Variants in SLC29A3 observed in about 807,000 individuals in gnomAD.
The protein encoded by SLC29A3 is equilibrative nucleoside transporter 3.
SLC29A3 carries 18 observed loss-of-function variants against 25.4 expected under a neutral mutation model. The observed-to-expected ratio is 0.71, with a 90% CI of 0.49 to 1.05. The LOEUF (loss-of-function observed/expected upper bound fraction) is 1.05. Among genes scored for constraint, SLC29A3 ranks in the 50% least tolerant of loss-of-function variants. The probability of loss-of-function intolerance (pLI) is 0.00; values close to 1 mark genes in which losing one functional copy is unlikely to be tolerated. For missense variants in SLC29A3, 586 were observed against 609.0 expected (o/e 0.96, Z 0.40); for synonymous variants, 258 against 267.1 (o/e 0.97, Z 0.33).
Position 71,324,767 on chromosome 10 carries a change from C to A in SLC29A3, c.300+1713C>A, listed in dbSNP as rs185901051. Among the ~76,000 whole-genome samples the A allele has an allele frequency of 1.3e-3, 193 of 152,072 alleles. 1 individual carries two copies. Among genetic ancestry groups the A allele is most frequent in the Admixed American group, 0.011 (164 of 15,266 alleles). On this transcript the variant is annotated intron_variant, in intron 2 of 5. Transcript: ENST00000373189. ...AGTATATGGAGGGACAGCTATACATCAGAGGTGGGGAATGAGGAACTTGAT... is the reference window on the plus strand; with the variant it reads ...AGTATATGGAGGGACAGCTATACATAAGAGGTGGGGAATGAGGAACTTGAT...
At chr10:71,323,927 G>A (rs36087675) in intron 2 of SLC29A3, among the ~76,000 whole-genome samples, 11,775 of 152,228 alleles carry the variant, frequency 0.077, 588 homozygotes, top group South Asian at 0.17. Flanking sequence ...ATCATTGCCT[G>A]GGGCCTTGAA....
exon 5 of SLC29A3, chr10:71,381,055 A>C (rs1032581508): frequency 2.6e-5 from 4 of 152,220 alleles, no homozygotes; most frequent in African/African-American, 7.2e-5. Context: ...AATTTGAGGC[A>C]ACACATTTGT....
At chr10:71,356,832 GAACA>G (rs1486847961) in intron 5 of SLC29A3, among the ~76,000 whole-genome samples, 2 of 152,082 alleles carry the variant, frequency 1.3e-5, no homozygotes, top group East Asian at 3.9e-4. Flanking sequence ...CTCTGAAAAT[GAACA>G]AACAAACAAA....
Position 71,338,228 on chromosome 10 carries a change from C to T in SLC29A3, c.301-5981C>T, listed in dbSNP as rs371828084. The stretch of plus-strand genomic sequence containing the variant: ...TGGAAGCCTGCCCCATGCTGCCCAC[C>T]CACAGACACTCTTTAACATGGTCTT... On this transcript the variant is annotated intron_variant, in intron 2 of 5. Coordinates refer to ENST00000373189, the MANE Select transcript of SLC29A3 (RefSeq NM_018344.6). 5.3e-5 allele frequency among the ~76,000 whole-genome samples: 8 copies of T among 152,210 alleles called. 1 individual carries two copies. The East Asian group carries it at 1.2e-3, about 22-fold the overall frequency.
intron 4 of SLC29A3, among the ~76,000 whole-genome samples, chr10:71,354,864 T>C (rs1846856412): frequency 6.6e-6 from 1 of 152,190 alleles, no homozygotes; most frequent in African/African-American, 2.4e-5. Flanking sequence ...GGACAAGTGT[T>C]AGCCCCACTT....
At chr10:71,375,700 G>T (rs1025886028) in exon 4 of SLC29A3, 1 of 152,186 alleles carries the variant, frequency 6.6e-6, no homozygotes, top group Non-Finnish European at 1.5e-5. Context: ...CATAGGCAAG[G>T]AAATGGAGAA....
intron 5 of SLC29A3, among the ~76,000 whole-genome samples, chr10:71,359,652 G>A (rs1010210172): frequency 4.1e-4 from 63 of 152,342 alleles, no homozygotes; most frequent in African/African-American, 1.5e-3. Context: ...CAGGTCCTCA[G>A]GGTGGGAGGA....
rs1276237571 is a variant in SLC29A3 at position 71,350,893 on chromosome 10, A to T, written c.384-669A>T. On this transcript the variant is annotated intron_variant, in intron 3 of 5. Coordinates refer to ENST00000373189, the MANE Select transcript of SLC29A3 (RefSeq NM_018344.6). Reference sequence around the variant, plus strand: ...CAGCTTCCTTATCTGTATACATGGGATAGGTACGAATACCTGTCTTACAGA... The same window carrying T: ...CAGCTTCCTTATCTGTATACATGGGTTAGGTACGAATACCTGTCTTACAGA... 4.6e-5 allele frequency among the ~76,000 whole-genome samples: 7 copies of T among 152,236 alleles called. No individual in the cohort carries two copies. The East Asian group carries it at 1.3e-3, about 29-fold the overall frequency.
chr10:71,357,225 C>A (rs1846937625), intron 5 of SLC29A3, among the ~76,000 whole-genome samples: 1 of 152,118 alleles, frequency 6.6e-6, no homozygotes, highest in Non-Finnish European at 1.5e-5. Context: ...ACCATCCTGG[C>A]TAACACAGTG....
rs1272494804 is a variant in SLC29A3, at chr10:71,360,166, C to T, written c.774-1788C>T. 4.4e-5 allele frequency among the ~76,000 whole-genome samples: 4 copies of T among 91,818 alleles called. No individual in the cohort carries two copies. The South Asian group carries it at 1.2e-3, about 27-fold the overall frequency. The allele number at this position is 91,818 out of a possible 152,430, so 60.2% of individuals were successfully genotyped here. ...TTTTTTTTTTTTTTTTTTTTTGAGA[C>T]GGAATCTTACTCTGTCACCTAGGCT... On this transcript the variant is annotated intron_variant, in intron 5 of 5. Transcript: ENST00000373189.
At chr10:71,348,494 GACT>G in intron 3 of SLC29A3, among the ~76,000 whole-genome samples, 1 of 152,170 alleles carries the variant, frequency 6.6e-6, no homozygotes, top group East Asian at 1.9e-4. Flanking sequence ...CCGGTCTCCT[GACT>G]CAGGCTCCAT....
rs761314130 is a variant in SLC29A3, at chr10:71,362,185, G to A, written c.1005G>A (p.Lys335=). The change falls in exon 6 of 6, where the codon AAG becomes AAA. Residue 335 remains lysine (K), a synonymous_variant. Transcript: ENST00000373189. ...GCACCAACATCGAGTCCCTCAACAA[G>A]GGTTCGGGCTCACTGTGGACCACCA... is the stretch of plus-strand genomic sequence containing the variant. ...AICTNIESLN[K]GSGSLWTTKF... is the part of the protein sequence containing the mutation. The A allele has an allele frequency of 7.4e-6, 12 of 1,613,894 alleles. No individual in the cohort carries two copies. The African/African-American group carries it at 1.6e-4, about 22-fold the overall frequency.
In SLC29A3 at chr10:71,362,168, A is replaced by G. The variant is rs546180014; in HGVS notation, c.988A>G (p.Ile330Val). The change falls in exon 6 of 6, where the codon ATC becomes GTC. Residue 330 changes from isoleucine to valine, a missense_variant. Ile to Val is a conservative substitution (Grantham distance 29). Transcript: ENST00000373189. ...CATCTACCCCGCCATCTGCACCAAC[A>G]TCGAGTCCCTCAACAAGGGTTCGGG... is the stretch of plus-strand genomic sequence containing the variant. ...SLIYPAICTNIESLNKGSGSL... is the reference protein window; with the variant it reads ...SLIYPAICTNVESLNKGSGSL... The G allele has an allele frequency of 3.5e-5, 57 of 1,613,988 alleles. 1 individual carries two copies. The South Asian group carries it at 6.0e-4, about 17-fold the overall frequency.
rs1421151307 is a variant in SLC29A3 at position 71,378,966 on chromosome 10, G to A, written c.*212-800G>A. On this transcript the variant is annotated intron_variant and NMD_transcript_variant, in intron 4 of 4. Coordinates refer to the SLC29A3 transcript ENST00000642772. ...ACCTTAGATGAGAACAACTAGGGGA[G>A]GTGTCATTGCCCAGTGAGGAGGAGG... Among the ~76,000 whole-genome samples the A allele has an allele frequency of 3.3e-5, 5 of 152,348 alleles. No individual in the cohort carries two copies. In the South Asian group the frequency reaches 1.0e-3, roughly 32 times the overall value.
chr10:71,375,075 G>C (rs556944855), intron 3 of SLC29A3, among the ~76,000 whole-genome samples: 1 of 152,332 alleles, frequency 6.6e-6, no homozygotes, highest in Non-Finnish European at 1.5e-5. Context: ...AGAAGTAGCA[G>C]GCTTGTGAGA....
intron 1 of SLC29A3, among the ~76,000 whole-genome samples, chr10:71,320,182 G>A (rs748423553): frequency 1.3e-5 from 2 of 152,256 alleles, no homozygotes; most frequent in African/African-American, 4.8e-5. Flanking sequence ...CCCTAGCCAG[G>A]TGTGGTCCTG....
chr10:71,360,192 G>A lies in SLC29A3; in HGVS notation c.774-1762G>A, dbSNP rs532456216. Among the ~76,000 whole-genome samples, 83 of 138,952 alleles carry A rather than the reference G, an allele frequency of 6.0e-4. 2 individuals are homozygous for A. In the South Asian group the frequency reaches 0.019, roughly 31 times the overall value. 91.2% of individuals were successfully genotyped at this position (138,952 alleles called of 152,430 possible). On this transcript the variant is annotated intron_variant, in intron 5 of 5. Transcript: ENST00000373189. The stretch of plus-strand genomic sequence containing the variant: ...GGAATCTTACTCTGTCACCTAGGCT[G>A]GAGTGCAGTGATGCGGTCTTGGCTC...
chr10:71,378,878 T>A (rs2894149), intron 4 of SLC29A3, among the ~76,000 whole-genome samples: 1 of 152,040 alleles, frequency 6.6e-6, no homozygotes, highest in Non-Finnish European at 1.5e-5. Flanking sequence ...GCTTCCTGAA[T>A]TCACTTCTAA....
intron 1 of SLC29A3, among the ~76,000 whole-genome samples, chr10:71,321,308 G>T (rs1771148365): frequency 6.6e-6 from 1 of 152,150 alleles, no homozygotes; most frequent in African/African-American, 2.4e-5. Flanking sequence ...GTGAGGAGGT[G>T]TTCCCATCCC....
Sources: gnomAD v4.1 joint callset for allele counts (sites outside exome capture counted in the v4.1 genomes callset) on GRCh38, gnomAD v4.1.1 for gene constraint, MANE v1.5 for transcripts, NCBI Gene and HGNC (gene_info 2026-07-23, HGNC 2026-07-21) for gene names.